RAB8B: variants seen among roughly 807,000 people sequenced by gnomAD.
The protein encoded by RAB8B is ras-related protein Rab-8B.
In RAB8B, 11 loss-of-function variants were observed where a neutral mutation model predicts 32.0. The observed-to-expected ratio is 0.34, with a 90% CI of 0.22 to 0.57. RAB8B has a LOEUF of 0.57. RAB8B is among the 20% of genes least tolerant of loss of function. RAB8B has a pLI of 0.86. For missense variants in RAB8B, 190 were observed against 258.5 expected (o/e 0.73, Z 1.82); for synonymous variants, 103 against 89.6 (o/e 1.15, Z -0.85).
In RAB8B at chr15:63,193,875, G is replaced by C. The variant is rs151297215; in HGVS notation, c.124+4127G>C. Among the ~76,000 whole-genome samples, 657 of 152,224 alleles carry C rather than the reference G, an allele frequency of 4.3e-3. 3 individuals are homozygous for C. Among genetic ancestry groups the C allele is most frequent in the African/African-American group, 0.015 (634 of 41,512 alleles). On this transcript the variant is annotated intron_variant, in intron 1 of 7. Coordinates refer to ENST00000321437, the MANE Select transcript of RAB8B (RefSeq NM_016530.3). ...AAGTGCCTGTAAAATGTAACATAAA[G>C]ACAACTAGGAATGATGATACAGTTA...
At chr15:63,211,600 G>A (rs2037746920) in intron 1 of RAB8B, among the ~76,000 whole-genome samples, 1 of 152,162 alleles carries the variant, frequency 6.6e-6, no homozygotes, top group Non-Finnish European at 1.5e-5. Flanking sequence ...CTTCTTAAAA[G>A]TACAGGTAGT....
At chr15:63,219,501 C>A (rs1542146) in intron 1 of RAB8B, among the ~76,000 whole-genome samples, 1 of 151,516 alleles carries the variant, frequency 6.6e-6, no homozygotes. Flanking sequence ...AACATGACAA[C>A]AGATAAGAGA....
chr15:63,215,816 T>A (rs1376882549), intron 1 of RAB8B, among the ~76,000 whole-genome samples: 1 of 152,020 alleles, frequency 6.6e-6, no homozygotes, highest in Admixed American at 6.5e-5. Flanking sequence ...GCAGGATGAT[T>A]GTTTGACCCC....
intron 1 of RAB8B, among the ~76,000 whole-genome samples, chr15:63,217,103 GA>G (rs1340089234): frequency 1.3e-5 from 2 of 151,914 alleles, no homozygotes; most frequent in Non-Finnish European, 2.9e-5. Flanking sequence ...TTCATCTTTA[GA>G]AAGAATAATC....
intron 1 of RAB8B, among the ~76,000 whole-genome samples, chr15:63,190,116 A>G (rs1361659848): frequency 6.7e-6 from 1 of 149,178 alleles, no homozygotes; most frequent in East Asian, 2.0e-4. Context: ...AGAGAAGGGG[A>G]TAGTGGACGT....
Position 63,237,764 on chromosome 15 carries a change from T to C in RAB8B, c.125-6992T>C, listed in dbSNP as rs145141653. On this transcript the variant is annotated intron_variant, in intron 1 of 7. Coordinates refer to ENST00000321437, the MANE Select transcript of RAB8B (RefSeq NM_016530.3). Reference sequence around the variant, plus strand: ...GTGATCCTGTTTGTTCATTTTTGCATTGGTTGACTGTGCTTGCAGGGTATT... The same window carrying C: ...GTGATCCTGTTTGTTCATTTTTGCACTGGTTGACTGTGCTTGCAGGGTATT... 6.3e-4 allele frequency among the ~76,000 whole-genome samples: 96 copies of C among 152,340 alleles called. 1 individual carries two copies. In the East Asian group the frequency reaches 0.014, roughly 23 times the overall value.
chr15:63,207,901 T>G (rs1244952166), intron 1 of RAB8B, among the ~76,000 whole-genome samples: 5 of 152,130 alleles, frequency 3.3e-5, no homozygotes, highest in African/African-American at 1.2e-4. Context: ...TGTTGCCAAG[T>G]CCTTTCCATT....
intron 1 of RAB8B, among the ~76,000 whole-genome samples, chr15:63,242,156 G>A (rs1236685086): frequency 6.6e-6 from 1 of 151,592 alleles, no homozygotes; most frequent in Non-Finnish European, 1.5e-5. Context: ...TTGAGAAGGT[G>A]TTCTGCTAAA....
chr15:63,191,412 G>A (rs2037555150), intron 1 of RAB8B, among the ~76,000 whole-genome samples: 1 of 152,192 alleles, frequency 6.6e-6, no homozygotes, highest in African/African-American at 2.4e-5. Flanking sequence ...TCTCCTGGGT[G>A]TTATGATGTC....
At chr15:63,207,489 TA>T (rs2037708390) in intron 1 of RAB8B, among the ~76,000 whole-genome samples, 2 of 152,150 alleles carry the variant, frequency 1.3e-5, no homozygotes, top group African/African-American at 2.4e-5. Context: ...TTTTAACCCA[TA>T]TTTTTTTTCA....
At position 63,251,574 on chromosome 15, in the gene RAB8B, C is replaced by T. The variant is rs74025270; in HGVS notation, c.246+1869C>T. Among the ~76,000 whole-genome samples, 442 of 152,250 alleles carry T rather than the reference C, an allele frequency of 2.9e-3. 7 individuals are homozygous for T. The South Asian group carries it at 0.056, about 19-fold the overall frequency. On this transcript the variant is annotated intron_variant, in intron 3 of 7. Transcript: ENST00000321437. The stretch of plus-strand genomic sequence containing the variant: ...TAATACATTTAGATTTGAGGATTGT[C>T]TTAATTTACTTACTGCCTAGTCTTT...
intron 1 of RAB8B, among the ~76,000 whole-genome samples, chr15:63,201,056 C>G (rs922356331): frequency 6.6e-6 from 1 of 151,822 alleles, no homozygotes; most frequent in African/African-American, 2.4e-5. Flanking sequence ...GAACCTCTTT[C>G]CTCCTTGCTT....
At chr15:63,223,802 CA>C in intron 1 of RAB8B, 6 of 391,010 alleles carry the variant, frequency 1.5e-5, no homozygotes, top group Non-Finnish European at 2.0e-5. Flanking sequence ...TACACTGTTC[CA>C]AAAAAGGAGT....
At chr15:63,204,252 T>G (rs1188341535) in intron 1 of RAB8B, among the ~76,000 whole-genome samples, 1 of 152,196 alleles carries the variant, frequency 6.6e-6, no homozygotes, top group Non-Finnish European at 1.5e-5. Flanking sequence ...AAGCTAGAAT[T>G]GGAAATATTT....
rs2038152502 is a variant in RAB8B at position 63,255,568 on chromosome 15, T to A, written c.308T>A (p.Ile103Asn). The part of the protein sequence containing the change: ...EKSFDNIKNW[I>N]RNIEEHASSD... ...TCCTTTGACAATATTAAAAATTGGA[T>A]CAGAAACATTGAAGAGGTATGTGTG... is the stretch of plus-strand genomic sequence containing the variant. The change falls in exon 4 of 8, where the codon ATC becomes AAC. Residue 103 changes from isoleucine to asparagine, a missense_variant. Transcript: ENST00000321437. 6.2e-7 allele frequency: 1 copy of A among 1,601,792 alleles called. No homozygotes were observed. Among genetic ancestry groups the A allele is most frequent in the Non-Finnish European group, 8.6e-7 (1 of 1,168,838 alleles).
intron 1 of RAB8B, among the ~76,000 whole-genome samples, chr15:63,234,102 A>G (rs1402139362): frequency 6.6e-6 from 1 of 152,132 alleles, no homozygotes; most frequent in African/African-American, 2.4e-5. Flanking sequence ...TTTCTGGACC[A>G]GGCAGCAGAC....
At chr15:63,196,646 C>G (rs2037602295) in intron 1 of RAB8B, among the ~76,000 whole-genome samples, 1 of 152,114 alleles carries the variant, frequency 6.6e-6, no homozygotes, top group Non-Finnish European at 1.5e-5. Context: ...TGTGAAAGCC[C>G]TATATGAGCT....
At chr15:63,214,767 C>T (rs1275591969) in intron 1 of RAB8B, among the ~76,000 whole-genome samples, 1 of 152,078 alleles carries the variant, frequency 6.6e-6, no homozygotes, top group African/African-American at 2.4e-5. Flanking sequence ...GGGGTTGAAA[C>T]CTGCTTCTGA....
chr15:63,246,030 G>A (rs2038069185), intron 2 of RAB8B, among the ~76,000 whole-genome samples: 1 of 152,030 alleles, frequency 6.6e-6, no homozygotes, highest in African/African-American at 2.4e-5. Context: ...GCGCTACCAC[G>A]CCCTGCTATT....
Sources: gnomAD v4.1 joint callset for allele counts (sites outside exome capture counted in the v4.1 genomes callset) on GRCh38, gnomAD v4.1.1 for gene constraint, MANE v1.5 for transcripts, NCBI Gene and HGNC (gene_info 2026-07-23, HGNC 2026-07-21) for gene names.